KIF21B: variants seen among roughly 807,000 people sequenced by gnomAD.
KIF21B encodes kinesin-like protein KIF21B.
A neutral mutation model predicts 192.9 loss-of-function variants in KIF21B; 85 were observed. The ratio of observed to expected loss-of-function variants is 0.44; its 90% CI spans 0.37 to 0.53. The LOEUF is 0.53. Among genes scored for constraint, KIF21B ranks in the 20% least tolerant of loss-of-function variants. The pLI is 0.00. For missense variants in KIF21B, 1,716 were observed against 2,194.8 expected (o/e 0.78, Z 4.36); for synonymous variants, 832 against 884.6 (o/e 0.94, Z 1.05).
rs181865750 is a variant in KIF21B at position 201,009,542 on chromosome 1, C to T, written c.42-54G>A. Reference sequence around the variant, plus strand: ...AGGCCCAGCTAGAAGGGGGCTGCCACAGGCCCCTCCCTCACACTGCCTGCC... The same window carrying T: ...AGGCCCAGCTAGAAGGGGGCTGCCATAGGCCCCTCCCTCACACTGCCTGCC... On this transcript the variant is annotated intron_variant, in intron 1 of 34. Transcript: ENST00000461742. The T allele has an allele frequency of 1.5e-4, 233 of 1,530,834 alleles. No individual in the cohort carries two copies. The African/African-American group carries it at 2.7e-3, about 18-fold the overall frequency. 94.8% of individuals were successfully genotyped at this position (1,530,834 alleles called of 1,614,324 possible). A position where few individuals can be genotyped will look rare whatever the true frequency, so the allele number is the denominator to read the frequency against.
At chr1:201,001,203 T>C (rs1657479957) in intron 9 of KIF21B, among the ~76,000 whole-genome samples, 1 of 151,620 alleles carries the variant, frequency 6.6e-6, no homozygotes, top group Non-Finnish European at 1.5e-5. Flanking sequence ...GGGCAGCTCA[T>C]ATGGGCCTTT....
intron 3 of KIF21B, among the ~76,000 whole-genome samples, chr1:201,008,258 G>A (rs933790750): frequency 2.4e-4 from 37 of 152,202 alleles, no homozygotes; most frequent in African/African-American, 8.9e-4. Context: ...AGGGCCAGGT[G>A]CACAGAAAGA....
chr1:200,973,765 G>A, intron 34 of KIF21B, 187 bp from the exon 35 acceptor site: 1 of 1,454,994 alleles, frequency 6.9e-7, no homozygotes, highest in Non-Finnish European at 9.0e-7. Flanking sequence ...GGAGAGGCCT[G>A]TGCACTCAGA....
At position 200,975,490 on chromosome 1, in the gene KIF21B, T is replaced by C. The variant is rs778222800; in HGVS notation, c.4614+9A>G. ...CGAGTCTACCCTCTCCCTTTCCTCC[T>C]GACCCCACCTGGATGAGCTCCTGCT... On this transcript the variant is annotated intron_variant, in intron 33 of 34. Coordinates refer to ENST00000461742, the MANE Select transcript of KIF21B (RefSeq NM_001252102.2). The surrounding 1 kb of genome is among the most constrained non-coding windows in gnomAD (Gnocchi z 4.3). The C allele has an allele frequency of 6.2e-7, 1 of 1,605,864 alleles. No individual in the cohort carries two copies. Among genetic ancestry groups the C allele is most frequent in the Non-Finnish European group, 8.5e-7 (1 of 1,173,772 alleles).
intron 30 of KIF21B, 105 bp from the exon 31 acceptor site, chr1:200,977,481 C>T (rs1478720397): frequency 2.2e-6 from 3 of 1,356,780 alleles, no homozygotes; most frequent in African/African-American, 2.9e-5. Context: ...CCTACTTCTT[C>T]CAGGAAGTCT....
chr1:201,004,697 G>A (rs747520712), intron 6 of KIF21B, 69 bp downstream of exon 6: 2 of 1,580,062 alleles, frequency 1.3e-6, no homozygotes, highest in South Asian at 2.2e-5. Context: ...GTGTAGGACT[G>A]CAGGGCCTTG....
intron 27 of KIF21B, 146 bp downstream of exon 27, chr1:200,984,713 G>A: frequency 5.5e-6 from 3 of 545,474 alleles, no homozygotes; most frequent in Non-Finnish European, 9.6e-6. Flanking sequence ...GCCAGGAGAG[G>A]GCATCAGGGC....
chr1:201,002,773 C>G (rs560608506), intron 8 of KIF21B: 1 of 163,258 alleles, frequency 6.1e-6, no homozygotes, highest in Admixed American at 6.0e-5. Flanking sequence ...AAGGGGCAGC[C>G]CCTATGCCTC....
chr1:201,022,227 G>A (rs1438837479), intron 1 of KIF21B, among the ~76,000 whole-genome samples: 1 of 151,520 alleles, frequency 6.6e-6, no homozygotes, highest in Admixed American at 6.6e-5. Context: ...CTCTGTCTAG[G>A]AGCAACCTCC....
chr1:201,004,099 G>T (rs371497572), intron 7 of KIF21B, among the ~76,000 whole-genome samples: 1 of 152,136 alleles, frequency 6.6e-6, no homozygotes, highest in Non-Finnish European at 1.5e-5. Flanking sequence ...CTATCATCTC[G>T]TCTGGGTCAT....
chr1:200,995,569 AG>A (rs1558012163), intron 15 of KIF21B, among the ~76,000 whole-genome samples: 1 of 152,250 alleles, frequency 6.6e-6, no homozygotes. Context: ...AAAGTAGAAA[AG>A]GGAGGCATTG....
intron 31 of KIF21B, 97 bp from the exon 32 acceptor site, chr1:200,976,990 G>T: frequency 9.9e-7 from 1 of 1,006,838 alleles, no homozygotes; most frequent in Non-Finnish European, 1.5e-6. Context: ...CCTGGTCAGG[G>T]TACTCACCCT....
In KIF21B at chr1:200,982,952, T is replaced by A. The variant is rs1656040276; in HGVS notation, c.3842+104A>T. 4 of 1,035,014 alleles carry A rather than the reference T, an allele frequency of 3.9e-6. No homozygotes were observed. The East Asian group carries it at 1.0e-4, about 27-fold the overall frequency. The allele number at this position is 1,035,014 out of a possible 1,614,324, so 64.1% of individuals were successfully genotyped here. A position where few individuals can be genotyped will look rare whatever the true frequency, so the allele number is the denominator to read the frequency against. Reference sequence around the variant, plus strand: ...GAAGGGGAGTGGAGGGGCCGCATGCTGAGGACACGGGTGTCAGGCGGGAGG... The same window carrying A: ...GAAGGGGAGTGGAGGGGCCGCATGCAGAGGACACGGGTGTCAGGCGGGAGG... On this transcript the variant is annotated intron_variant, in intron 28 of 34. Transcript: ENST00000461742. This position sits in a 1 kb window ranked among gnomAD's most constrained non-coding sequence, Gnocchi z 4.7.
At chr1:200,987,299 G>A in intron 24 of KIF21B, 98 bp from the exon 25 acceptor site, 1 of 1,080,474 alleles carries the variant, frequency 9.3e-7, no homozygotes, top group Non-Finnish European at 1.3e-6. Flanking sequence ...TGAGACAGTG[G>A]TGCAAACATG....
At chr1:201,005,221 T>C (rs1233053501) in intron 5 of KIF21B, 87 bp downstream of exon 5, 1 of 1,475,210 alleles carries the variant, frequency 6.8e-7, no homozygotes, top group Non-Finnish European at 9.0e-7. Context: ...TCTGGTTTGC[T>C]ATTTCTGAAT....
intron 1 of KIF21B, among the ~76,000 whole-genome samples, chr1:201,010,710 C>T (rs1344153935): frequency 6.6e-6 from 1 of 152,208 alleles, no homozygotes; most frequent in Non-Finnish European, 1.5e-5. Flanking sequence ...CAGGCCAGCA[C>T]CCATCCTGGG....
Position 200,998,663 on chromosome 1 carries a change from T to A in KIF21B, c.1886-88A>T. On this transcript the variant is annotated intron_variant, in intron 13 of 34. Coordinates refer to ENST00000461742, the MANE Select transcript of KIF21B (RefSeq NM_001252102.2). The surrounding 1 kb of genome is among the most constrained non-coding windows in gnomAD (Gnocchi z 4.3). ...TGCCAGTGCTGGGGAGCTGGGACCCTCCTTTGGTCAGCCATGACCAATCAG... is the reference window on the plus strand; with the variant it reads ...TGCCAGTGCTGGGGAGCTGGGACCCACCTTTGGTCAGCCATGACCAATCAG... 8.0e-7 allele frequency: 1 copy of A among 1,243,724 alleles called. No individual in the cohort carries two copies. The highest frequency in any genetic ancestry group is 1.1e-6 in the Non-Finnish European group (1 of 875,642). The allele number at this position is 1,243,724 out of a possible 1,614,324, so 77.0% of individuals were successfully genotyped here.
chr1:200,991,174 G>C, intron 17 of KIF21B, 25 bp from the exon 18 acceptor site: 1 of 1,595,938 alleles, frequency 6.3e-7, no homozygotes, highest in Non-Finnish European at 8.6e-7. Flanking sequence ...AGAAAAGAGG[G>C]AGCCGGTGAG....
rs771973912 is a variant in KIF21B at position 201,008,980 on chromosome 1, C to A, written c.265-29G>T. 52 of 1,582,948 alleles carry A rather than the reference C, an allele frequency of 3.3e-5. No homozygotes were observed. In the South Asian group the frequency reaches 5.8e-4, roughly 18 times the overall value. On this transcript the variant is annotated intron_variant, in intron 2 of 34. Transcript: ENST00000461742. ...CATTGGCAAAGATAGGAGGGTGTAA[C>A]CCTGCACCCTTTGGGGGCACCAGCA...
Sources: allele counts gnomAD v4.1 joint callset (sites outside exome capture counted in the v4.1 genomes callset), GRCh38; gene constraint gnomAD v4.1.1; non-coding constraint Gnocchi (gnomAD v3.1); transcripts MANE v1.5; gene names NCBI Gene and HGNC (gene_info 2026-07-23, HGNC 2026-07-21).